ARHGAP44: variants seen among roughly 807,000 people sequenced by gnomAD.
ARHGAP44 encodes the protein Rho GTPase activating protein 44, also known as rho GTPase-activating protein 44.
ARHGAP44 carries 43 observed loss-of-function variants against 106.8 expected under a neutral mutation model. That is an observed-to-expected ratio of 0.40 (90% CI 0.32 to 0.52). ARHGAP44 has a LOEUF of 0.52. Ranked by LOEUF, ARHGAP44 falls within the 20% of genes least tolerant of loss-of-function variation. The probability of loss-of-function intolerance (pLI) is 0.48; values close to 1 mark genes in which losing one functional copy is unlikely to be tolerated. For missense variants in ARHGAP44, 866 were observed against 1,050.5 expected (o/e 0.82, Z 2.43); for synonymous variants, 439 against 410.3 (o/e 1.07, Z -0.85).
At chr17:12,808,251 C>A (rs2034336577) in intron 1 of ARHGAP44, among the ~76,000 whole-genome samples, 1 of 152,224 alleles carries the variant, frequency 6.6e-6, no homozygotes, top group African/African-American at 2.4e-5. Context: ...GTCAGTGGAT[C>A]TTCCATTCTG....
chr17:12,924,715 GA>G (rs1338306874), intron 6 of ARHGAP44, among the ~76,000 whole-genome samples: 1 of 152,166 alleles, frequency 6.6e-6, no homozygotes, highest in Non-Finnish European at 1.5e-5. Context: ...CTTATAGGGA[GA>G]AAGAGTGATC....
chr17:12,894,753 G>A (rs1367153237), intron 1 of ARHGAP44, among the ~76,000 whole-genome samples, 187 bp from the exon 2 acceptor site: 1 of 152,056 alleles, frequency 6.6e-6, no homozygotes, highest in African/African-American at 2.4e-5. Context: ...CTGCTTTGCT[G>A]TGTTTGCTGG....
intron 15 of ARHGAP44, 80 bp downstream of exon 15, chr17:12,956,826 G>A: frequency 8.0e-7 from 1 of 1,247,862 alleles, no homozygotes; most frequent in Middle Eastern, 2.0e-4. Flanking sequence ...TTGAAGCCAA[G>A]TACCACTGCC....
intron 1 of ARHGAP44, among the ~76,000 whole-genome samples, chr17:12,834,802 A>G (rs2035188267): frequency 6.6e-6 from 1 of 152,206 alleles, no homozygotes; most frequent in African/African-American, 2.4e-5. Flanking sequence ...ATTTGGATAA[A>G]CAACACATTT....
At chr17:12,941,172 A>G in intron 8 of ARHGAP44, 48 bp downstream of exon 8, 2 of 1,551,182 alleles carry the variant, frequency 1.3e-6, no homozygotes, top group Admixed American at 1.7e-5. Flanking sequence ...TCGTAGGAGA[A>G]GGGAATGTGG....
intron 1 of ARHGAP44, among the ~76,000 whole-genome samples, chr17:12,825,416 TTGTG>T (rs35243771): frequency 1.4e-4 from 20 of 148,148 alleles, no homozygotes; most frequent in African/African-American, 2.2e-4. Context: ...AGGAGTGTGT[TTGTG>T]TGTGTGTGTG....
intron 7 of ARHGAP44, among the ~76,000 whole-genome samples, chr17:12,938,582 T>TAAAA (rs67037408): frequency 3.9e-5 from 5 of 127,004 alleles, no homozygotes; most frequent in East Asian, 4.7e-4. Flanking sequence ...AGCTATATAT[T>TAAAA]AAAAAAAAAA....
intron 4 of ARHGAP44, among the ~76,000 whole-genome samples, chr17:12,914,810 A>AAC (rs2037856050): frequency 6.6e-6 from 1 of 151,438 alleles, no homozygotes; most frequent in African/African-American, 2.4e-5. Flanking sequence ...AAAAAAAAAA[A>AAC]AAAACCTCAA....
chr17:12,928,149 T>G (rs993443186), intron 6 of ARHGAP44, among the ~76,000 whole-genome samples: 6 of 152,338 alleles, frequency 3.9e-5, no homozygotes, highest in Admixed American at 2.6e-4. Flanking sequence ...GAAGGCCAAA[T>G]TTTTAAGAAA....
chr17:12,957,115 C>T (rs563224719), intron 15 of ARHGAP44, among the ~76,000 whole-genome samples: 12 of 152,218 alleles, frequency 7.9e-5, no homozygotes, highest in Middle Eastern at 3.4e-3. Flanking sequence ...TGCACCACCA[C>T]GCCCGACTAA....
At chr17:12,889,794 G>A (rs1019313011) in intron 1 of ARHGAP44, among the ~76,000 whole-genome samples, 2 of 152,098 alleles carry the variant, frequency 1.3e-5, no homozygotes, top group Non-Finnish European at 2.9e-5. Flanking sequence ...TTGTGAAATC[G>A]AAACAAGTAA....
In ARHGAP44 at chr17:12,984,770, C is replaced by A. The variant is rs947712708; in HGVS notation, c.2179C>A (p.Arg727=). The A allele has an allele frequency of 6.2e-6, 10 of 1,613,830 alleles. No individual in the cohort carries two copies. In the Admixed American group the frequency reaches 1.7e-4, roughly 27 times the overall value. Residue 727 remains arginine (R), a synonymous_variant, in exon 20 of 21, where the codon CGG becomes AGG. Transcript: ENST00000379672. Reference sequence around the variant, plus strand: ...CTTTACAAGCACTTTGAGCAAATCGCGGCCCACTCCTAAGCCGCGACAGAG... The same window carrying A: ...CTTTACAAGCACTTTGAGCAAATCGAGGCCCACTCCTAAGCCGCGACAGAG... ...SVFTSTLSKS[R]PTPKPRQRPT...
At chr17:12,937,435 A>T (rs1034952439) in intron 7 of ARHGAP44, among the ~76,000 whole-genome samples, 1 of 152,174 alleles carries the variant, frequency 6.6e-6, no homozygotes, top group Non-Finnish European at 1.5e-5. Context: ...ACACTTGTCC[A>T]TGCTGGGCCT....
At chr17:12,909,026 C>A (rs66643297) in intron 4 of ARHGAP44, 53 bp downstream of exon 4, 4 of 1,455,914 alleles carry the variant, frequency 2.7e-6, no homozygotes, top group South Asian at 1.3e-5. Flanking sequence ...AGTCCCCATC[C>A]GTGAAAAGGG....
At chr17:12,833,233 T>C (rs554422322) in intron 1 of ARHGAP44, among the ~76,000 whole-genome samples, 5 of 152,306 alleles carry the variant, frequency 3.3e-5, no homozygotes, top group Admixed American at 1.3e-4. Flanking sequence ...TGAGTATCCT[T>C]GAATAGTGTC....
At chr17:12,793,652 G>A (rs1232339460) in intron 1 of ARHGAP44, among the ~76,000 whole-genome samples, 1 of 151,432 alleles carries the variant, frequency 6.6e-6, no homozygotes, top group Non-Finnish European at 1.5e-5. Flanking sequence ...AGGTTGCAGT[G>A]AGCCAAGCTT....
intron 1 of ARHGAP44, among the ~76,000 whole-genome samples, chr17:12,809,935 A>G (rs778607216): frequency 4.0e-5 from 6 of 151,788 alleles, no homozygotes; most frequent in Non-Finnish European, 5.9e-5. Context: ...AAGGAGAGAA[A>G]CCCAACAGGC....
At position 12,974,302 on chromosome 17, in the gene ARHGAP44, G is replaced by A. The variant is rs558752781; in HGVS notation, c.1755G>A (p.Glu585=). The A allele has an allele frequency of 5.5e-5, 79 of 1,432,456 alleles. No homozygotes were observed. The highest frequency in any genetic ancestry group is 6.8e-5 in the Non-Finnish European group (75 of 1,100,460). 88.7% of individuals were successfully genotyped at this position (1,432,456 alleles called of 1,614,324 possible). ...PSGLGLQPGP[E]RTSTTKSKEL... is the part of the protein sequence containing the mutation. Reference sequence around the variant, plus strand: ...GCCTGGGCCTCCAGCCTGGGCCCGAGCGCACCAGGTAAGCGCGGGCCACTG... The same window carrying A: ...GCCTGGGCCTCCAGCCTGGGCCCGAACGCACCAGGTAAGCGCGGGCCACTG... The change falls in exon 18 of 21, where the codon GAG becomes GAA. Residue 585 remains glutamate (E), a synonymous_variant. Coordinates refer to ENST00000379672, the MANE Select transcript of ARHGAP44 (RefSeq NM_014859.6).
In ARHGAP44 at chr17:12,974,866, T is replaced by C. The variant is rs1395606218; in HGVS notation, c.1763+556T>C. On this transcript the variant is annotated intron_variant, in intron 18 of 20. Transcript: ENST00000379672. ...GGTGTCTCTCAATTTTTTTTTTTTT[T>C]CGAGATGGAGTCTCGGTTGGTCGCC... 1.1e-4 allele frequency among the ~76,000 whole-genome samples: 16 copies of C among 151,450 alleles called. 1 individual carries two copies. The highest frequency in any genetic ancestry group is 3.9e-4 in the Admixed American group (6 of 15,236).
Sources: allele counts gnomAD v4.1 joint callset (sites outside exome capture counted in the v4.1 genomes callset), GRCh38; gene constraint gnomAD v4.1.1; transcripts MANE v1.5; gene names NCBI Gene and HGNC (gene_info 2026-07-23, HGNC 2026-07-21).